The following ILDR2 variants were observed in gnomAD, a reference collection of about 807,000 sequenced individuals.
The protein encoded by ILDR2 is immunoglobulin-like domain-containing receptor 2.
Under a neutral mutation model 66.8 loss-of-function variants are expected in ILDR2, and 25 were observed. The observed-to-expected ratio is 0.37, with a 90% CI of 0.27 to 0.52. The LOEUF (loss-of-function observed/expected upper bound fraction) is 0.52. Ranked by LOEUF, ILDR2 falls within the 20% of genes least tolerant of loss-of-function variation. ILDR2 has a pLI of 0.88. For missense variants in ILDR2, 827 were observed against 876.8 expected (o/e 0.94, Z 0.72); for synonymous variants, 367 against 357.2 (o/e 1.03, Z -0.31).
chr1:166,933,510 T>G, intron 6 of ILDR2: 1 of 973,562 alleles, frequency 1.0e-6, no homozygotes, highest in Non-Finnish European at 1.2e-6. Context: ...ACATTTCTAT[T>G]TTAATGCCAC....
At chr1:166,965,865 A>G (rs1557958779) in intron 1 of ILDR2, among the ~76,000 whole-genome samples, 1 of 152,072 alleles carries the variant, frequency 6.6e-6, no homozygotes, top group Non-Finnish European at 1.5e-5. Flanking sequence ...TTCCTAAGAT[A>G]CTTTTTAGGA....
intron 3 of ILDR2, among the ~76,000 whole-genome samples, chr1:166,944,090 T>C (rs1661477035): frequency 6.6e-6 from 1 of 152,212 alleles, no homozygotes; most frequent in Non-Finnish European, 1.5e-5. Context: ...TCACAAACTC[T>C]AGAGCTAAAC....
intron 1 of ILDR2, among the ~76,000 whole-genome samples, chr1:166,960,404 G>T (rs934068996): frequency 6.6e-6 from 1 of 152,118 alleles, no homozygotes; most frequent in Non-Finnish European, 1.5e-5. Flanking sequence ...CATCAAATAG[G>T]AATGGCTTTG....
intron 1 of ILDR2, among the ~76,000 whole-genome samples, chr1:166,963,834 A>G (rs1662769892): frequency 6.6e-6 from 1 of 152,148 alleles, no homozygotes; most frequent in African/African-American, 2.4e-5. Context: ...GCAGACATAG[A>G]GAAGCACTGA....
chr1:166,933,269 A>G (rs1280875607), intron 6 of ILDR2, among the ~76,000 whole-genome samples: 1 of 152,256 alleles, frequency 6.6e-6, no homozygotes, highest in African/African-American at 2.4e-5. Context: ...TCTGCTGGAA[A>G]AGTTTTTCTC....
chr1:166,954,525 C>T (rs1200461439), intron 3 of ILDR2, among the ~76,000 whole-genome samples: 1 of 152,164 alleles, frequency 6.6e-6, no homozygotes, highest in Non-Finnish European at 1.5e-5. Flanking sequence ...TTGAACATCT[C>T]TAATGTTGAA....
Position 166,922,730 on chromosome 1 carries a change from G to C in ILDR2, c.1074C>G (p.Ser358Arg). Residue 358 changes from serine to arginine, a missense_variant, in exon 8 of 10, where the codon AGC becomes AGG. Physicochemically the swap from Ser to Arg is moderately radical, Grantham distance 110 (BLOSUM62 -1). Around this residue, in one of 2 missense-constraint regions of ILDR2, gnomAD observed 437 missense variants for 523.2 expected, o/e 0.84. Transcript: ENST00000271417. ...AGTCCCCAGACACAGGGAACTGCTT[G>C]CTTCTCATCTGATGGAAAGACTGGC... ...NFRQSFHQMR[S>R]KQFPVSGDLE... 7 of 1,614,190 alleles carry C rather than the reference G, an allele frequency of 4.3e-6. No homozygotes were observed. The highest frequency in any genetic ancestry group is 5.9e-6 in the Non-Finnish European group (7 of 1,180,032).
rs1226392446 is a variant in ILDR2 at position 166,910,863 on chromosome 1, C to T, written c.*8492G>A. ...GGGAAAAATGAATTATTTGTTTTGC[C>T]TAATTTTAATCCATCCTATGAGTCT... On this transcript the variant is annotated 3_prime_UTR_variant, in exon 10 of 10. Transcript: ENST00000271417. The T allele has an allele frequency of 6.6e-6, 1 of 152,132 alleles. No homozygotes were observed. The highest frequency in any genetic ancestry group is 1.5e-5 in the Non-Finnish European group (1 of 68,018). The allele number at this position is 152,132 out of a possible 1,614,324, so 9.4% of individuals were successfully genotyped here.
chr1:166,947,767 C>G (rs1482472122), intron 3 of ILDR2, among the ~76,000 whole-genome samples: 2 of 152,250 alleles, frequency 1.3e-5, no homozygotes, highest in East Asian at 1.9e-4. Context: ...ACGGTAACCG[C>G]GGGCCGCCAG....
chr1:166,932,261 G>T (rs2101892132), intron 6 of ILDR2, among the ~76,000 whole-genome samples: 1 of 152,348 alleles, frequency 6.6e-6, no homozygotes, highest in Non-Finnish European at 1.5e-5. Flanking sequence ...GACAATCTTA[G>T]CAAGAGCTGG....
chr1:166,927,098 C>A lies in ILDR2; in HGVS notation c.963G>T (p.Gln321His). Residue 321 changes from glutamine to histidine, a missense_variant, in exon 7 of 10, where the codon CAG (glutamine) becomes CAT (histidine). Physicochemically the swap from Gln to His is conservative, Grantham distance 24. Around this residue, in one of 2 missense-constraint regions of ILDR2, gnomAD observed 437 missense variants for 523.2 expected, o/e 0.84. Transcript: ENST00000271417. ...CTCTCATCCTTCTGGCTGGATCAAACTGAGCCAGCTCCTTCTCAACATAGT... is the reference window on the plus strand; with the variant it reads ...CTCTCATCCTTCTGGCTGGATCAAAATGAGCCAGCTCCTTCTCAACATAGT... ...VLYYVEKELA[Q>H]FDPARRMRGR... The A allele has an allele frequency of 6.2e-7, 1 of 1,612,770 alleles. No homozygotes were observed. Among genetic ancestry groups the A allele is most frequent in the Non-Finnish European group, 8.5e-7 (1 of 1,179,160 alleles).
chr1:166,897,334 C>T (rs754976535), intron 2 of ILDR2, among the ~76,000 whole-genome samples: 6 of 152,090 alleles, frequency 3.9e-5, no homozygotes, highest in Admixed American at 6.6e-5. Flanking sequence ...TGGTCTTTAT[C>T]TCTGGTTCCG....
In ILDR2 at chr1:166,909,810, T is replaced by A. The variant is rs1191862395; in HGVS notation, c.*9545A>T. ...ATATATATATATATATATATATCCT[T>A]CTAGCTTTGCTCTACTGGACATTAA... On this transcript the variant is annotated 3_prime_UTR_variant, in exon 10 of 10. Transcript: ENST00000271417. 58 of 137,790 alleles carry A rather than the reference T, an allele frequency of 4.2e-4. No homozygotes were observed. The highest frequency in any genetic ancestry group is 1.4e-3 in the African/African-American group (51 of 36,698). 8.5% of individuals were successfully genotyped at this position (137,790 alleles called of 1,614,324 possible). A position where few individuals can be genotyped will look rare whatever the true frequency, so the allele number is the denominator to read the frequency against.
Position 166,921,517 on chromosome 1 carries a change from T to C in ILDR2, c.1212-138A>G. ...AGCCTCAGCTCCGCTCCAGGCTGGA[T>C]GAAGCATTCCAGGCTCCTCTCACAC... On this transcript the variant is annotated intron_variant, in intron 8 of 9. Transcript: ENST00000271417. This position sits in a 1 kb window ranked among gnomAD's most constrained non-coding sequence, Gnocchi z 5.3. 1 of 697,512 alleles carries C rather than the reference T, an allele frequency of 1.4e-6. No individual in the cohort carries two copies. The highest frequency in any genetic ancestry group is 2.3e-6 in the Non-Finnish European group (1 of 433,082). The allele number at this position is 697,512 out of a possible 1,614,324, so 43.2% of individuals were successfully genotyped here.
chr1:166,943,267 C>T (rs1009417379), intron 3 of ILDR2, among the ~76,000 whole-genome samples: 4 of 151,906 alleles, frequency 2.6e-5, no homozygotes, highest in African/African-American at 4.8e-5. Context: ...CAGAGGCGGG[C>T]GGATCATGAG....
intron 9 of ILDR2, among the ~76,000 whole-genome samples, 198 bp downstream of exon 9, chr1:166,920,509 G>A (rs896136388): frequency 2.0e-5 from 3 of 152,122 alleles, no homozygotes; most frequent in African/African-American, 7.2e-5. Flanking sequence ...CCTTCATCTG[G>A]CCTTGGACAG....
chr1:166,971,722 CA>C lies in ILDR2; in HGVS notation c.46+3500del, dbSNP rs201853147. Among the ~76,000 whole-genome samples the C allele has an allele frequency of 2.7e-3, 418 of 152,250 alleles. 11 individuals carry two copies. Among genetic ancestry groups the C allele is most frequent in the Admixed American group, 0.024 (368 of 15,278 alleles). ...AAGAGATCCACCTGCCTCAGCTTCC[CA>C]AAGTGCTGGGATTACAGGCATGAAC... On this transcript the variant is annotated intron_variant, in intron 1 of 9. Transcript: ENST00000271417.
chr1:166,954,208 C>T (rs1406431842), intron 3 of ILDR2, among the ~76,000 whole-genome samples: 1 of 152,132 alleles, frequency 6.6e-6, no homozygotes, highest in East Asian at 1.9e-4. Flanking sequence ...TCACAGAGGT[C>T]TTCATCTCCT....
intron 6 of ILDR2, among the ~76,000 whole-genome samples, chr1:166,932,732 C>G (rs1660708939): frequency 6.6e-6 from 1 of 152,190 alleles, no homozygotes; most frequent in Admixed American, 6.5e-5. Flanking sequence ...CATAGTTCAT[C>G]AAAGATGCCC....
Sources: gnomAD v4.1 joint callset for allele counts (sites outside exome capture counted in the v4.1 genomes callset) on GRCh38, gnomAD v4.1.1 for gene constraint, gnomAD v4.1.1 regional missense constraint, Gnocchi (gnomAD v3.1) non-coding constraint, MANE v1.5 for transcripts, NCBI Gene and HGNC (gene_info 2026-07-23, HGNC 2026-07-21) for gene names.